The following TOP6BL variants were observed in gnomAD, a reference collection of about 807,000 sequenced individuals.
TOP6BL encodes the protein type 2 DNA topoisomerase 6 subunit B-like.
At chr11:66,749,948 A>G in the TOP6BL span, among the ~76,000 whole-genome samples, 1 of 152,166 alleles carries the variant, frequency 6.6e-6, no homozygotes, top group Admixed American at 6.6e-5. Context: ...ACAGAAACAT[A>G]TATTGTGGAG....
chr11:66,841,107 C>T, the TOP6BL span, among the ~76,000 whole-genome samples: 2 of 144,344 alleles, frequency 1.4e-5, no homozygotes, highest in South Asian at 4.3e-4. Flanking sequence ...CAAGAGGCCT[C>T]TCATTTTTTT....
chr11:66,776,163 A>G, the TOP6BL span, among the ~76,000 whole-genome samples: 1 of 151,566 alleles, frequency 6.6e-6, no homozygotes, highest in South Asian at 2.1e-4. Flanking sequence ...GGTTCAAGTG[A>G]TTCTCTTACC....
At chr11:66,830,032 G>A in the TOP6BL span, among the ~76,000 whole-genome samples, 1 of 152,166 alleles carries the variant, frequency 6.6e-6, no homozygotes, top group Non-Finnish European at 1.5e-5. Flanking sequence ...GAGACAGTCA[G>A]AACAATGCTT....
chr11:66,782,442 C>T, the TOP6BL span, among the ~76,000 whole-genome samples: 137 of 152,172 alleles, frequency 9.0e-4, 1 homozygote, highest in African/African-American at 3.0e-3. Flanking sequence ...ACTTTAGTAC[C>T]CTGCTCTTTG....
the TOP6BL span, chr11:66,796,483 T>A: frequency 6.4e-6 from 5 of 778,318 alleles, no homozygotes; most frequent in Non-Finnish European, 1.0e-5. Flanking sequence ...TGAAGATGAT[T>A]AAAACGTTTA....
the TOP6BL span, among the ~76,000 whole-genome samples, chr11:66,777,595 T>C: frequency 2.6e-5 from 4 of 152,038 alleles, no homozygotes; most frequent in South Asian, 6.2e-4. Flanking sequence ...TGAAATTGCT[T>C]TGTAAAAAGT....
the TOP6BL span, chr11:66,843,316 G>T: frequency 1.3e-6 from 2 of 1,540,610 alleles, no homozygotes; most frequent in East Asian, 2.4e-5. Context: ...GCTGCCGCGC[G>T]CTCACCAAGT....
the TOP6BL span, among the ~76,000 whole-genome samples, chr11:66,809,533 AAT>A: frequency 6.6e-6 from 1 of 152,228 alleles, no homozygotes; most frequent in African/African-American, 2.4e-5. Flanking sequence ...CTAAGGATGA[AAT>A]GGAAGTCCAA....
At chr11:66,782,921 C>T in the TOP6BL span, among the ~76,000 whole-genome samples, 1 of 152,140 alleles carries the variant, frequency 6.6e-6, no homozygotes, top group Admixed American at 6.5e-5. Context: ...TCCTTATCCC[C>T]ACATGATCTC....
the TOP6BL span, among the ~76,000 whole-genome samples, chr11:66,790,972 A>G: frequency 6.6e-6 from 1 of 152,228 alleles, no homozygotes; most frequent in African/African-American, 2.4e-5. Context: ...GCCTCAAGGG[A>G]ACAAGGATTT....
At chr11:66,776,351 G>T in the TOP6BL span, among the ~76,000 whole-genome samples, 2 of 151,892 alleles carry the variant, frequency 1.3e-5, no homozygotes, top group African/African-American at 2.4e-5. Flanking sequence ...GAGCCATCAC[G>T]CCTGGCATAT....
At chr11:66,833,821 C>T in the TOP6BL span, among the ~76,000 whole-genome samples, 1 of 151,888 alleles carries the variant, frequency 6.6e-6, no homozygotes, top group Non-Finnish European at 1.5e-5. Flanking sequence ...GTTGGCACAC[C>T]CTTGTAGTCC....
chr11:66,785,747 A>G, the TOP6BL span, among the ~76,000 whole-genome samples: 1 of 152,200 alleles, frequency 6.6e-6, no homozygotes, highest in Non-Finnish European at 1.5e-5. Context: ...TGTAACCAAC[A>G]TTCAGGTAGA....
chr11:66,769,805 A>G, the TOP6BL span, among the ~76,000 whole-genome samples: 3 of 151,536 alleles, frequency 2.0e-5, no homozygotes, highest in African/African-American at 4.9e-5. Flanking sequence ...CAGTGGTGCA[A>G]TCTTGGCTCA....
At chr11:66,792,084 A>G in the TOP6BL span, among the ~76,000 whole-genome samples, 1 of 152,176 alleles carries the variant, frequency 6.6e-6, no homozygotes, top group African/African-American at 2.4e-5. Flanking sequence ...TGCTGGGATT[A>G]CAGGCGTGAG....
chr11:66,768,898 T>G, the TOP6BL span, among the ~76,000 whole-genome samples: 1 of 152,198 alleles, frequency 6.6e-6, no homozygotes, highest in Non-Finnish European at 1.5e-5. Flanking sequence ...GGGAGCTGGC[T>G]CATTCTCTGG....
the TOP6BL span, among the ~76,000 whole-genome samples, chr11:66,817,804 C>T: frequency 2.6e-5 from 4 of 152,210 alleles, no homozygotes; most frequent in East Asian, 7.7e-4. Context: ...ACCTCGGCCT[C>T]CCAAAGTGCT....
chr11:66,831,824 T>C, the TOP6BL span, among the ~76,000 whole-genome samples: 1 of 151,682 alleles, frequency 6.6e-6, no homozygotes, highest in Non-Finnish European at 1.5e-5. Flanking sequence ...TGAAACCCCA[T>C]CTCTACTAAA....
the TOP6BL span, among the ~76,000 whole-genome samples, chr11:66,785,577 G>T: frequency 6.6e-6 from 1 of 152,074 alleles, no homozygotes; most frequent in Non-Finnish European, 1.5e-5. Flanking sequence ...CCTTAGCCTT[G>T]TATGATGTAT....
Sources: allele counts gnomAD v4.1 joint callset (sites outside exome capture counted in the v4.1 genomes callset), GRCh38; gene constraint gnomAD v4.1.1; transcripts MANE v1.5; gene names NCBI Gene and HGNC (gene_info 2026-07-23, HGNC 2026-07-21).